Variants in THRAP3 observed in about 807,000 individuals in gnomAD.
THRAP3 encodes thyroid hormone receptor associated protein 3.
Under a neutral mutation model 101.0 loss-of-function variants are expected in THRAP3, and 16 were observed. The ratio of observed to expected loss-of-function variants is 0.16; its 90% confidence interval spans 0.11 to 0.24. THRAP3 has a LOEUF of 0.24. THRAP3 is among the 10% of genes least tolerant of loss of function. The pLI, the probability that THRAP3 is intolerant of heterozygous loss-of-function variation, is 1.00. For synonymous variants in THRAP3, 407 were observed against 422.6 expected (o/e 0.96, Z 0.45); for missense variants, 989 against 1,202.7 (o/e 0.82, Z 2.63).
rs1200869903 is a variant in THRAP3, at chr1:36,292,158, G to A, written c.1919-440G>A. Among the ~76,000 whole-genome samples the A allele has an allele frequency of 2.7e-5, 4 of 149,940 alleles. No individual in the cohort carries two copies. In the South Asian group the frequency reaches 8.5e-4, roughly 32 times the overall value. ...TTTCCTTCCTCTTCTCAGTATGTTT[G>A]TTGTGTGGATTTAACTACTTTAGGT... On this transcript the variant is annotated intron_variant, in intron 6 of 11. Coordinates refer to ENST00000354618, the MANE Select transcript of THRAP3 (RefSeq NM_005119.4).
Position 36,304,217 on chromosome 1 carries a change from G to T in THRAP3, c.*200G>T. On this transcript the variant is annotated 3_prime_UTR_variant, in exon 12 of 12. Coordinates refer to ENST00000354618, the MANE Select transcript of THRAP3 (RefSeq NM_005119.4). ...GAGGAGGCTGGCCATGGGGCCCAGG[G>T]GTCAGGCCCAGCTTTTGAGCAGAAT... 2.9e-6 allele frequency: 2 copies of T among 690,746 alleles called. No homozygotes were observed. Among genetic ancestry groups the T allele is most frequent in the Admixed American group, 3.8e-5 (1 of 26,658 alleles). The allele number at this position is 690,746 out of a possible 1,614,324, so 42.8% of individuals were successfully genotyped here.
intron 1 of THRAP3, among the ~76,000 whole-genome samples, chr1:36,228,904 G>A (rs974769796): frequency 6.6e-6 from 1 of 152,106 alleles, no homozygotes; most frequent in Non-Finnish European, 1.5e-5. Flanking sequence ...GGAGGCTAAG[G>A]TGGGAGGATC....
In THRAP3 at chr1:36,286,368, T is replaced by C; in HGVS notation, c.138T>C (p.Ser46=). ...TTTGTCTCTTTCCTTTCCATTCCAGTTCTAGGTCTCGTTCCAGATCATATT... is the reference window on the plus strand; with the variant it reads ...TTTGTCTCTTTCCTTTCCATTCCAGCTCTAGGTCTCGTTCCAGATCATATT... The part of the protein sequence containing the change: ...SLSRSRKRRL[S]SRSRSRSYSP... Residue 46 remains serine (S), a splice_region_variant and synonymous_variant, in exon 4 of 12, where the codon AGT becomes AGC. Coordinates refer to ENST00000354618, the MANE Select transcript of THRAP3 (RefSeq NM_005119.4). The surrounding 1 kb of genome is among the most constrained non-coding windows in gnomAD (Gnocchi z 5.5). 3 of 1,571,000 alleles carry C rather than the reference T, an allele frequency of 1.9e-6. No individual in the cohort carries two copies. The highest frequency in any genetic ancestry group is 2.6e-6 in the Non-Finnish European group (3 of 1,162,414).
chr1:36,234,808 T>A (rs1257771495), intron 1 of THRAP3, among the ~76,000 whole-genome samples: 4 of 44,118 alleles, frequency 9.1e-5, no homozygotes, highest in Non-Finnish European at 1.6e-4. Context: ...TGTTTCAGTC[T>A]TTTTTTTTTT....
intron 3 of THRAP3, among the ~76,000 whole-genome samples, chr1:36,285,179 A>G (rs1360770867): frequency 1.3e-5 from 2 of 152,238 alleles, no homozygotes; most frequent in Admixed American, 6.5e-5. Flanking sequence ...AAAAACAAAA[A>G]TGCATCTGTT....
At chr1:36,237,163 A>G (rs1645100078) in intron 1 of THRAP3, among the ~76,000 whole-genome samples, 1 of 151,792 alleles carries the variant, frequency 6.6e-6, no homozygotes, top group Non-Finnish European at 1.5e-5. Context: ...ACTCCATCTC[A>G]AAACAAAAAG....
At chr1:36,284,210 G>T (rs1213357820) in intron 3 of THRAP3, among the ~76,000 whole-genome samples, 1 of 152,176 alleles carries the variant, frequency 6.6e-6, no homozygotes, top group Non-Finnish European at 1.5e-5. Context: ...GGAATTCCGG[G>T]CAGTTCTTTT....
rs965465434 is a variant in THRAP3, at chr1:36,252,956, A to G, written c.-134-6426A>G. Among the ~76,000 whole-genome samples, 215 of 140,496 alleles carry G rather than the reference A, an allele frequency of 1.5e-3. 8 individuals are homozygous for G. The highest frequency in any genetic ancestry group is 5.4e-3 in the African/African-American group (207 of 38,368). 92.2% of individuals were successfully genotyped at this position (140,496 alleles called of 152,430 possible). ...TATATATATATATATATATATATAT[A>G]TATATATATATATAAATGTAAATAA... On this transcript the variant is annotated intron_variant, in intron 1 of 11. Transcript: ENST00000354618.
chr1:36,295,485 G>C (rs1426219323), intron 8 of THRAP3, among the ~76,000 whole-genome samples: 2 of 151,956 alleles, frequency 1.3e-5, no homozygotes, highest in Non-Finnish European at 2.9e-5. Context: ...CAGGTGTGCT[G>C]TTGCTGCTGC....
chr1:36,274,059 CTGTG>C (rs796116327), intron 2 of THRAP3, among the ~76,000 whole-genome samples: 4 of 132,702 alleles, frequency 3.0e-5, no homozygotes, highest in African/African-American at 1.2e-4. Context: ...AAAAAAAAGA[CTGTG>C]TGTGTGTGTG....
chr1:36,244,165 A>G (rs2124421324), intron 1 of THRAP3, among the ~76,000 whole-genome samples: 1 of 152,332 alleles, frequency 6.6e-6, no homozygotes, highest in South Asian at 2.1e-4. Flanking sequence ...GTGTTTATAA[A>G]TTGCTATTGG....
chr1:36,225,495 T>C (rs1339625759), intron 1 of THRAP3: 1 of 152,210 alleles, frequency 6.6e-6, no homozygotes, highest in African/African-American at 2.4e-5. Flanking sequence ...ACAGGGTTAT[T>C]GTGGAGACTA....
chr1:36,282,709 G>C lies in THRAP3; in HGVS notation c.137+9G>C. 2 of 1,613,970 alleles carry C rather than the reference G, an allele frequency of 1.2e-6. No homozygotes were observed. Among genetic ancestry groups the C allele is most frequent in the South Asian group, 2.2e-5 (2 of 91,074 alleles). ...AGGAAGCGCAGGCTGAGGTAAGGGG[G>C]TGTGACTTTGTATATTGAGATAATC... is the stretch of plus-strand genomic sequence containing the variant. On this transcript the variant is annotated intron_variant, in intron 3 of 11. Coordinates refer to ENST00000354618, the MANE Select transcript of THRAP3 (RefSeq NM_005119.4).
At position 36,282,654 on chromosome 1, in the gene THRAP3, C is replaced by G; in HGVS notation, c.91C>G (p.Arg31Gly). 1 of 1,614,120 alleles carries G rather than the reference C, an allele frequency of 6.2e-7. No individual in the cohort carries two copies. The highest frequency in any genetic ancestry group is 8.5e-7 in the Non-Finnish European group (1 of 1,180,020). ...RSRSRSFSKS[R>G]SRSRSLSRSR... ...TCGTTCTCGTTCATTTTCGAAGTCT[C>G]GGTCCCGAAGCCGATCTCTCTCTCG... Residue 31 changes from arginine (R) to glycine (G), a missense_variant, in exon 3 of 12, where the codon CGG (arginine) becomes GGG (glycine). Coordinates refer to ENST00000354618, the MANE Select transcript of THRAP3 (RefSeq NM_005119.4).
At chr1:36,239,229 G>A (rs905590111) in intron 1 of THRAP3, among the ~76,000 whole-genome samples, 5 of 149,080 alleles carry the variant, frequency 3.4e-5, no homozygotes, top group African/African-American at 9.9e-5. Flanking sequence ...CTGTAGAGGC[G>A]GGGTCTCCCT....
chr1:36,279,539 C>T (rs1645705418), intron 2 of THRAP3, among the ~76,000 whole-genome samples: 1 of 152,236 alleles, frequency 6.6e-6, no homozygotes, highest in Admixed American at 6.5e-5. Flanking sequence ...TATAGTGACA[C>T]TACTGCCAAA....
intron 8 of THRAP3, chr1:36,294,169 G>GA: frequency 2.7e-5 from 34 of 1,257,694 alleles, no homozygotes; most frequent in Middle Eastern, 3.1e-4. Context: ...GTGAGCTTGA[G>GA]AAAAAAAAGA....
rs985668985 is a variant in THRAP3, at chr1:36,304,777, A to G, written c.*760A>G. On this transcript the variant is annotated 3_prime_UTR_variant, in exon 12 of 12. Transcript: ENST00000354618. ...TTCCCCGTTCTCCACCAGCAGCTCCAGTATCCCAAACTTTCTAGTCCTGCT... is the reference window on the plus strand; with the variant it reads ...TTCCCCGTTCTCCACCAGCAGCTCCGGTATCCCAAACTTTCTAGTCCTGCT... 9.9e-5 allele frequency: 21 copies of G among 212,994 alleles called. No homozygotes were observed. Among genetic ancestry groups the G allele is most frequent in the Non-Finnish European group, 1.6e-4 (17 of 105,044 alleles). 13.2% of individuals were successfully genotyped at this position (212,994 alleles called of 1,614,324 possible). A position where few individuals can be genotyped will look rare whatever the true frequency, so the allele number is the denominator to read the frequency against.
chr1:36,233,394 T>C (rs1476128265), intron 1 of THRAP3, among the ~76,000 whole-genome samples: 1 of 151,204 alleles, frequency 6.6e-6, no homozygotes, highest in Non-Finnish European at 1.5e-5. Context: ...TAGTCCCAGC[T>C]ACTTGGGAGG....
Sources: allele counts gnomAD v4.1 joint callset (sites outside exome capture counted in the v4.1 genomes callset), GRCh38; gene constraint gnomAD v4.1.1; non-coding constraint Gnocchi (gnomAD v3.1); transcripts MANE v1.5; gene names NCBI Gene and HGNC (gene_info 2026-07-23, HGNC 2026-07-21).